SPAG16: variants seen among roughly 807,000 people sequenced by gnomAD.
SPAG16 encodes the protein sperm-associated antigen 16 protein.
Under a neutral mutation model 80.4 loss-of-function variants are expected in SPAG16, and 86 were observed. The observed-to-expected ratio is 1.07, with a 90% confidence interval of 0.90 to 1.28. The LOEUF is 1.28. SPAG16 is among the 50% of genes most tolerant of loss of function. The probability of loss-of-function intolerance (pLI) is 0.00; values close to 1 mark genes in which losing one functional copy is unlikely to be tolerated. For missense variants in SPAG16, 870 were observed against 765.3 expected (o/e 1.14, Z -1.61); for synonymous variants, 294 against 265.9 (o/e 1.11, Z -1.03).
rs111961935 is a variant in SPAG16, at chr2:214,235,514, A to C, written c.1720+86248A>C. Among the ~76,000 whole-genome samples, 229 of 152,228 alleles carry C rather than the reference A, an allele frequency of 1.5e-3. 4 individuals carry two copies. The highest frequency in any genetic ancestry group is 4.8e-3 in the African/African-American group (200 of 41,546). On this transcript the variant is annotated intron_variant, in intron 15 of 15. Transcript: ENST00000331683. Reference sequence around the variant, plus strand: ...TTCGAGCATTGAGATGTCTTCCACTAAACACCTACAGCTTTAAACACACCT... The same window carrying C: ...TTCGAGCATTGAGATGTCTTCCACTCAACACCTACAGCTTTAAACACACCT...
At position 213,982,835 on chromosome 2, in the gene SPAG16, G is replaced by A. The variant is rs1391483707; in HGVS notation, c.1401-31116G>A. On this transcript the variant is annotated intron_variant, in intron 12 of 15. Coordinates refer to ENST00000331683, the MANE Select transcript of SPAG16 (RefSeq NM_024532.5). ...GCTTTGTTTTTGATTTGTCAATGGA[G>A]ACCAACATAAATTTTCCATGTAATG... 3.3e-5 allele frequency among the ~76,000 whole-genome samples: 5 copies of A among 151,888 alleles called. No homozygotes were observed. In the East Asian group the frequency reaches 9.6e-4, roughly 29 times the overall value.
chr2:213,563,206 A>G (rs1275837027), intron 10 of SPAG16, among the ~76,000 whole-genome samples: 9 of 152,136 alleles, frequency 5.9e-5, no homozygotes. Flanking sequence ...TTATAGTTTT[A>G]CTTTCTGTGA....
chr2:214,328,118 C>G (rs1389061822), intron 15 of SPAG16, among the ~76,000 whole-genome samples: 1 of 151,092 alleles, frequency 6.6e-6, no homozygotes, highest in Non-Finnish European at 1.5e-5. Context: ...TACAGTTGTT[C>G]ATGAGCATGA....
chr2:213,909,602 AC>A (rs2077575740), intron 11 of SPAG16, among the ~76,000 whole-genome samples: 1 of 152,046 alleles, frequency 6.6e-6, no homozygotes, highest in African/African-American at 2.4e-5. Context: ...TCTTTGACAA[AC>A]CTGACAAAAA....
At chr2:213,877,414 A>C (rs904534826) in intron 11 of SPAG16, among the ~76,000 whole-genome samples, 2 of 152,040 alleles carry the variant, frequency 1.3e-5, no homozygotes, top group African/African-American at 2.4e-5. Flanking sequence ...ACATCAAGTG[A>C]TTCTTCCACC....
chr2:213,929,220 G>T (rs911773102), intron 11 of SPAG16, among the ~76,000 whole-genome samples: 1 of 151,628 alleles, frequency 6.6e-6, no homozygotes, highest in South Asian at 2.1e-4. Context: ...CACCTTGTTG[G>T]CCAGGTTTTT....
At chr2:213,405,093 C>T (rs1483972688) in intron 9 of SPAG16, among the ~76,000 whole-genome samples, 1 of 152,154 alleles carries the variant, frequency 6.6e-6, no homozygotes, top group African/African-American at 2.4e-5. Context: ...ACATGCTTTA[C>T]TTTTTCACTA....
At chr2:214,285,567 G>A (rs190154241) in intron 15 of SPAG16, among the ~76,000 whole-genome samples, 13 of 152,218 alleles carry the variant, frequency 8.5e-5, no homozygotes, top group Admixed American at 2.6e-4. Flanking sequence ...CTAGCACATT[G>A]GGAGGCCGAG....
At chr2:213,991,288 T>C in intron 12 of SPAG16, among the ~76,000 whole-genome samples, 1 of 152,138 alleles carries the variant, frequency 6.6e-6, no homozygotes, top group Admixed American at 6.6e-5. Context: ...TTGTTAAAAA[T>C]GATGGTTTCC....
At chr2:214,243,902 T>A (rs1234550925) in intron 15 of SPAG16, among the ~76,000 whole-genome samples, 2 of 152,134 alleles carry the variant, frequency 1.3e-5, no homozygotes, top group Admixed American at 6.6e-5. Flanking sequence ...CACAGTCACC[T>A]TAGGGCCTGG....
chr2:213,489,007 G>C (rs892371106), intron 9 of SPAG16, among the ~76,000 whole-genome samples: 1 of 145,436 alleles, frequency 6.9e-6, no homozygotes, highest in African/African-American at 2.6e-5. Flanking sequence ...TCCGGAAGGC[G>C]GAGGTTGCAG....
chr2:214,228,531 C>A (rs923353882), intron 15 of SPAG16, among the ~76,000 whole-genome samples: 6 of 151,722 alleles, frequency 4.0e-5, no homozygotes, highest in Non-Finnish European at 5.9e-5. Context: ...GGAGAAAAAG[C>A]AAAACTGTTT....
chr2:213,447,896 C>G (rs893053387), intron 9 of SPAG16, among the ~76,000 whole-genome samples: 1 of 152,278 alleles, frequency 6.6e-6, no homozygotes, highest in Middle Eastern at 3.4e-3. Context: ...GGAATCTTCC[C>G]CCTCAGTACA....
chr2:213,929,174 C>T (rs528432900), intron 11 of SPAG16, among the ~76,000 whole-genome samples: 40 of 151,818 alleles, frequency 2.6e-4, no homozygotes, highest in East Asian at 1.2e-3. Context: ...CCACCATGCC[C>T]GGCTAGTTTT....
chr2:213,722,433 A>T (rs1342994355), intron 10 of SPAG16, among the ~76,000 whole-genome samples: 1 of 152,158 alleles, frequency 6.6e-6, no homozygotes, highest in African/African-American at 2.4e-5. Context: ...TAACTACTCT[A>T]TGCTTCTTTA....
intron 9 of SPAG16, among the ~76,000 whole-genome samples, chr2:213,394,260 T>A (rs982863199): frequency 5.3e-5 from 8 of 152,144 alleles, no homozygotes; most frequent in African/African-American, 1.9e-4. Flanking sequence ...ATAAACCCAA[T>A]ATAATTATCT....
At chr2:214,257,078 A>G (rs988284050) in intron 15 of SPAG16, among the ~76,000 whole-genome samples, 3 of 151,896 alleles carry the variant, frequency 2.0e-5, no homozygotes, top group African/African-American at 7.2e-5. Context: ...TAATTTCTCT[A>G]AGCAATTTTT....
At chr2:214,281,069 C>A in intron 15 of SPAG16, 1 of 385,176 alleles carries the variant, frequency 2.6e-6, no homozygotes, top group Non-Finnish European at 5.0e-6. Flanking sequence ...GTAGTTCTGG[C>A]AAGGCCTTCA....
In SPAG16 at chr2:213,835,497, C is replaced by A. The variant is rs185430278; in HGVS notation, c.1071-26988C>A. Among the ~76,000 whole-genome samples the A allele has an allele frequency of 1.8e-3, 274 of 152,230 alleles. 2 individuals carry two copies. The highest frequency in any genetic ancestry group is 3.1e-3 in the Admixed American group (47 of 15,298). ...AATAACACTTATTGTGAACTTTATG[C>A]CCTGGTCACATTTCTCTAGAATCCA... On this transcript the variant is annotated intron_variant, in intron 10 of 15. Transcript: ENST00000331683.
Sources: gnomAD v4.1 joint callset for allele counts (sites outside exome capture counted in the v4.1 genomes callset) on GRCh38, gnomAD v4.1.1 for gene constraint, MANE v1.5 for transcripts, NCBI Gene and HGNC (gene_info 2026-07-23, HGNC 2026-07-21) for gene names.